Variants in NF1 observed in about 807,000 individuals in gnomAD.
NF1 encodes neurofibromin.
A neutral mutation model predicts 325.7 loss-of-function variants in NF1; 122 were observed. The ratio of observed to expected loss-of-function variants is 0.37; its 90% CI spans 0.32 to 0.44. The LOEUF is 0.44. Among genes scored for constraint, NF1 ranks in the 20% least tolerant of loss-of-function variants. The pLI, the probability that NF1 is intolerant of heterozygous loss-of-function variation, is 1.00. For missense variants in NF1, 2,140 were observed against 3,415.4 expected, an observed-to-expected ratio of 0.63 and a Z score of 9.31; for synonymous variants, 1,091 against 1,186.0, an observed-to-expected ratio of 0.92 and a Z score of 1.65.
intron 1 of NF1, among the ~76,000 whole-genome samples, chr17:31,131,420 G>A (rs1043195465): frequency 2.0e-5 from 3 of 152,166 alleles, no homozygotes; most frequent in Non-Finnish European, 4.4e-5. Context: ...AAAAAGTCCC[G>A]GTGCGTGGTA....
In NF1 at chr17:31,336,958, C is replaced by T. The variant is rs1355130807; in HGVS notation, c.6427+44C>T. ...ATTTGTGTTTACCAGTTCCTTTCTCCATTTTACTTCACCTGATCAATATAG... is the reference window on the plus strand; with the variant it reads ...ATTTGTGTTTACCAGTTCCTTTCTCTATTTTACTTCACCTGATCAATATAG... On this transcript the variant is annotated intron_variant, in intron 42 of 57. Coordinates refer to ENST00000358273, the MANE Select transcript of NF1 (RefSeq NM_001042492.3). This position sits in a 1 kb window ranked among gnomAD's most constrained non-coding sequence, Gnocchi z 5.5. The T allele has an allele frequency of 1.3e-6, 2 of 1,577,916 alleles. No homozygotes were observed. The highest frequency in any genetic ancestry group is 2.2e-5 in the South Asian group (2 of 89,944).
rs1314297399 is a variant in NF1, at chr17:31,336,041, A to G, written c.6007-292A>G. ...TATTGATGCTACATTACTGTCTTAGAAAAGCATAGAGATACTTTGCAAGTG... is the reference window on the plus strand; with the variant it reads ...TATTGATGCTACATTACTGTCTTAGGAAAGCATAGAGATACTTTGCAAGTG... On this transcript the variant is annotated intron_variant, in intron 40 of 57. Transcript: ENST00000358273. The surrounding 1 kb of genome is among the most constrained non-coding windows in gnomAD (Gnocchi z 5.5). Among the ~76,000 whole-genome samples the G allele has an allele frequency of 1.3e-5, 2 of 152,036 alleles. No individual in the cohort carries two copies. Among genetic ancestry groups the G allele is most frequent in the Non-Finnish European group, 2.9e-5 (2 of 67,994 alleles).
intron 13 of NF1, among the ~76,000 whole-genome samples, chr17:31,214,896 A>G (rs1029367684): frequency 6.6e-6 from 1 of 152,104 alleles, no homozygotes; most frequent in Non-Finnish European, 1.5e-5. Context: ...TTATTCAGGT[A>G]TAATCCTGGT....
chr17:31,133,790 G>C (rs1915568152), intron 1 of NF1: 1 of 152,286 alleles, frequency 6.6e-6, no homozygotes, highest in African/African-American at 2.4e-5. Context: ...CCTAGTAGCT[G>C]GGACTACTGG....
intron 36 of NF1, among the ~76,000 whole-genome samples, chr17:31,322,090 T>A (rs2069209680): frequency 1.6e-5 from 1 of 61,632 alleles, no homozygotes; most frequent in African/African-American, 5.9e-5. Context: ...GTGTAGTGTG[T>A]GTATACACAC....
At chr17:31,367,366 T>C (rs1329099533) in intron 57 of NF1, 4 of 866,842 alleles carry the variant, frequency 4.6e-6, no homozygotes, top group Non-Finnish European at 6.7e-6. Flanking sequence ...TACTCACCGG[T>C]CCCTGTAAGC....
chr17:31,269,596 G>C (rs748822371), intron 36 of NF1, among the ~76,000 whole-genome samples: 1 of 152,182 alleles, frequency 6.6e-6, no homozygotes, highest in Non-Finnish European at 1.5e-5. Flanking sequence ...TTAGTTTCTT[G>C]CATGACTAGC....
At chr17:31,165,967 C>T (rs1482989689) in intron 4 of NF1, among the ~76,000 whole-genome samples, 7 of 152,296 alleles carry the variant, frequency 4.6e-5, no homozygotes, top group African/African-American at 9.6e-5. Context: ...GTTGGGATTA[C>T]AGGATGTGAG....
At chr17:31,153,347 C>T (rs1220515327) in intron 1 of NF1, among the ~76,000 whole-genome samples, 1 of 152,184 alleles carries the variant, frequency 6.6e-6, no homozygotes, top group East Asian at 1.9e-4. Context: ...TGGGCATTGC[C>T]CATGTAGAGC....
At chr17:31,232,572 G>A (rs1181771284) in intron 25 of NF1, 128 bp from the exon 26 acceptor site, 5 of 900,318 alleles carry the variant, frequency 5.6e-6, no homozygotes, top group African/African-American at 5.0e-5. Context: ...TGATTATCGC[G>A]AGAGAGGAGA....
chr17:31,151,166 A>T (rs950105302), intron 1 of NF1, among the ~76,000 whole-genome samples: 2 of 152,210 alleles, frequency 1.3e-5, no homozygotes, highest in African/African-American at 4.8e-5. Context: ...TTCTATGTTT[A>T]GATACACAAA....
At chr17:31,126,884 G>T (rs1914928519) in intron 1 of NF1, among the ~76,000 whole-genome samples, 2 of 152,036 alleles carry the variant, frequency 1.3e-5, no homozygotes, top group Non-Finnish European at 2.9e-5. Flanking sequence ...ATTTTTTTGT[G>T]TCCTATCATT....
intron 14 of NF1, chr17:31,219,339 A>G (rs776614759): frequency 3.8e-5 from 11 of 285,798 alleles, no homozygotes; most frequent in Non-Finnish European, 6.4e-5. Context: ...CTGATGCTTA[A>G]TAAAATAGTT....
At chr17:31,276,569 T>C (rs1487811969) in intron 36 of NF1, among the ~76,000 whole-genome samples, 1 of 152,248 alleles carries the variant, frequency 6.6e-6, no homozygotes, top group African/African-American at 2.4e-5. Context: ...GCAAATGCCT[T>C]ATCTGCATAG....
chr17:31,365,933 A>ATTT (rs1219842483), intron 57 of NF1, among the ~76,000 whole-genome samples: 3 of 139,958 alleles, frequency 2.1e-5, no homozygotes, highest in African/African-American at 2.6e-5. Context: ...GATCTATTTA[A>ATTT]TTTTTTTTTT....
chr17:31,180,780 C>T (rs1249010694), intron 5 of NF1, among the ~76,000 whole-genome samples: 4 of 152,102 alleles, frequency 2.6e-5, no homozygotes, highest in Non-Finnish European at 5.9e-5. Flanking sequence ...AAAGGGTATT[C>T]GGTTAGGAAA....
At chr17:31,274,737 GTAA>G (rs2067969942) in intron 36 of NF1, among the ~76,000 whole-genome samples, 1 of 534 alleles carries the variant, frequency 1.9e-3, no homozygotes, top group Non-Finnish European at 0.01. Context: ...GTTGGTAATA[GTAA>G]TAGTAATAGT....
chr17:31,170,793 C>T (rs2065917028), intron 5 of NF1, among the ~76,000 whole-genome samples: 1 of 152,182 alleles, frequency 6.6e-6, no homozygotes, highest in East Asian at 1.9e-4. Flanking sequence ...AATCAGATAT[C>T]AATGAATATT....
At chr17:31,307,951 T>A in intron 36 of NF1, 1 of 1,282,786 alleles carries the variant, frequency 7.8e-7, no homozygotes, top group Non-Finnish European at 1.0e-6. Flanking sequence ...ACAGTGATGA[T>A]AAATGGCCCT....
Sources: allele counts gnomAD v4.1 joint callset (sites outside exome capture counted in the v4.1 genomes callset), GRCh38; gene constraint gnomAD v4.1.1; non-coding constraint Gnocchi (gnomAD v3.1); transcripts MANE v1.5; gene names NCBI Gene and HGNC (gene_info 2026-07-23, HGNC 2026-07-21).